FSD1L: variants seen among roughly 807,000 people sequenced by gnomAD.
The protein encoded by FSD1L is fibronectin type III and SPRY domain containing 1 like, also known as FSD1-like protein.
FSD1L carries 45 observed loss-of-function variants against 71.6 expected under a neutral mutation model. The ratio of observed to expected loss-of-function variants is 0.63; its 90% CI spans 0.49 to 0.81. The LOEUF (loss-of-function observed/expected upper bound fraction) is 0.81. Among genes scored for constraint, FSD1L ranks in the 30% least tolerant of loss-of-function variants. The pLI, the probability that FSD1L is intolerant of heterozygous loss-of-function variation, is 0.00. For synonymous variants in FSD1L, 197 were observed against 207.2 expected, an observed-to-expected ratio of 0.95 and a Z score of 0.42; for missense variants, 561 against 618.1, an observed-to-expected ratio of 0.91 and a Z score of 0.98.
At chr9:105,486,860 A>G (rs563742532) in intron 7 of FSD1L, among the ~76,000 whole-genome samples, 44 of 152,176 alleles carry the variant, frequency 2.9e-4, no homozygotes, top group Admixed American at 1.1e-3. Flanking sequence ...CAGACTTCCA[A>G]TTTTCTTCCC....
chr9:105,535,829 A>C (rs748841566), intron 12 of FSD1L, among the ~76,000 whole-genome samples: 1 of 152,136 alleles, frequency 6.6e-6, no homozygotes, highest in Non-Finnish European at 1.5e-5. Context: ...CCAGAGCCAT[A>C]TTTTCTACTA....
intron 5 of FSD1L, among the ~76,000 whole-genome samples, chr9:105,477,444 G>T (rs1331576755): frequency 3.9e-5 from 6 of 152,196 alleles, no homozygotes; most frequent in Admixed American, 6.5e-5. Flanking sequence ...GCCTCTTTCA[G>T]TGAAAGTTAT....
At chr9:105,519,697 T>C (rs527589668) in intron 10 of FSD1L, among the ~76,000 whole-genome samples, 1 of 152,356 alleles carries the variant, frequency 6.6e-6, no homozygotes, top group East Asian at 1.9e-4. Context: ...AGTATCATAC[T>C]GAATGGGCAA....
At chr9:105,528,892 G>A (rs1428598813) in intron 10 of FSD1L, among the ~76,000 whole-genome samples, 1 of 151,936 alleles carries the variant, frequency 6.6e-6, no homozygotes, top group Non-Finnish European at 1.5e-5. Context: ...TCTGACAAAG[G>A]GCTAATATCC....
chr9:105,447,981 CCGCTGCGCGCAGG>C, upstream of FSD1L: 1 of 545,810 alleles, frequency 1.8e-6, no homozygotes, highest in Non-Finnish European at 3.2e-6. Context: ...GAGCAGTCAG[CCGCTGCGCGCAGG>C]CGCGGTGCGC....
chr9:105,479,790 G>C (rs913274491), intron 6 of FSD1L, among the ~76,000 whole-genome samples: 6 of 152,154 alleles, frequency 3.9e-5, no homozygotes, highest in Non-Finnish European at 8.8e-5. Flanking sequence ...AAGAACTAAA[G>C]CGCTCCTATT....
At chr9:105,447,341 A>G (rs1452767572), upstream of FSD1L, among the ~76,000 whole-genome samples, 2 of 151,596 alleles carry the variant, frequency 1.3e-5, no homozygotes, top group East Asian at 3.9e-4. Flanking sequence ...AAAAAAAAAA[A>G]AAAAAAAAGA....
At chr9:105,467,815 G>C (rs1401711905) in intron 3 of FSD1L, among the ~76,000 whole-genome samples, 1 of 152,198 alleles carries the variant, frequency 6.6e-6, no homozygotes, top group Non-Finnish European at 1.5e-5. Flanking sequence ...CCTCACCAGT[G>C]ATTCTGATAC....
At chr9:105,534,014 C>T (rs929359839) in intron 10 of FSD1L, among the ~76,000 whole-genome samples, 1 of 152,124 alleles carries the variant, frequency 6.6e-6, no homozygotes, top group African/African-American at 2.4e-5. Flanking sequence ...TGTGAGCCAC[C>T]GTGCCTGGCC....
chr9:105,481,920 G>A (rs886374223), intron 6 of FSD1L, among the ~76,000 whole-genome samples: 24 of 151,970 alleles, frequency 1.6e-4, no homozygotes, highest in African/African-American at 5.3e-4. Context: ...CTGCAGGCAC[G>A]TGCCACCATG....
At chr9:105,493,294 T>C (rs1411679140) in intron 7 of FSD1L, among the ~76,000 whole-genome samples, 1 of 152,094 alleles carries the variant, frequency 6.6e-6, no homozygotes, top group African/African-American at 2.4e-5. Context: ...TGGTTTAAAG[T>C]CTGTTTTATC....
chr9:105,547,011 A>G lies in FSD1L; in HGVS notation c.*528A>G, dbSNP rs1199304301. The G allele has an allele frequency of 6.6e-6, 1 of 152,060 alleles. No individual in the cohort carries two copies. The highest frequency in any genetic ancestry group is 1.5e-5 in the Non-Finnish European group (1 of 67,954). The allele number at this position is 152,060 out of a possible 1,614,324, so 9.4% of individuals were successfully genotyped here. ...GGTTTATTTTTCCTCTTTTATAAATAAGTTTTACAAAATTTTCCTCTTTTG... is the reference window on the plus strand; with the variant it reads ...GGTTTATTTTTCCTCTTTTATAAATGAGTTTTACAAAATTTTCCTCTTTTG... On this transcript the variant is annotated 3_prime_UTR_variant, in exon 14 of 14. Transcript: ENST00000481272.
chr9:105,523,919 T>G, intron 10 of FSD1L: 1 of 1,591,464 alleles, frequency 6.3e-7, no homozygotes. Flanking sequence ...GTAGAGTGGC[T>G]TCTTCAGCTT....
chr9:105,544,902 C>A (rs1564157868), intron 13 of FSD1L, among the ~76,000 whole-genome samples: 3 of 152,200 alleles, frequency 2.0e-5, no homozygotes, highest in Middle Eastern at 3.4e-3. Flanking sequence ...ATTGTCTTGG[C>A]AATGTGGGCT....
intron 1 of FSD1L, among the ~76,000 whole-genome samples, chr9:105,456,996 C>T (rs560262615): frequency 1.3e-5 from 2 of 152,254 alleles, no homozygotes; most frequent in African/African-American, 2.4e-5. Context: ...CTGAGACCTT[C>T]GTAGGCATCC....
At chr9:105,538,928 TAAG>T (rs1050565994) in intron 12 of FSD1L, among the ~76,000 whole-genome samples, 2 of 152,002 alleles carry the variant, frequency 1.3e-5, no homozygotes, top group Non-Finnish European at 2.9e-5. Flanking sequence ...ATAGGAAAAA[TAAG>T]GAGGAAGAAA....
rs530524931 is a variant in FSD1L, at chr9:105,492,440, A to G, written c.586+7938A>G. 9.1e-4 allele frequency among the ~76,000 whole-genome samples: 139 copies of G among 152,194 alleles called. 1 individual carries two copies. The highest frequency in any genetic ancestry group is 3.3e-3 in the African/African-American group (135 of 41,504). On this transcript the variant is annotated intron_variant, in intron 7 of 13. Coordinates refer to ENST00000481272, the MANE Select transcript of FSD1L (RefSeq NM_001145313.3). The stretch of plus-strand genomic sequence containing the variant: ...GTCTATCAATTTTGTTCATCCTTTC[A>G]AAAAACCAGGTCCTGGATTCATTAA...
intron 1 of FSD1L, among the ~76,000 whole-genome samples, chr9:105,457,562 G>A (rs898280837): frequency 5.9e-5 from 9 of 152,232 alleles, no homozygotes; most frequent in Non-Finnish European, 1.3e-4. Context: ...TACTAAGATA[G>A]TAGTAATAAT....
chr9:105,535,850 C>T (rs1836232319), intron 12 of FSD1L, among the ~76,000 whole-genome samples: 1 of 152,112 alleles, frequency 6.6e-6, no homozygotes, highest in Non-Finnish European at 1.5e-5. Flanking sequence ...TCCTAGTAAA[C>T]ATAAGCTATA....
Sources: allele counts gnomAD v4.1 joint callset (sites outside exome capture counted in the v4.1 genomes callset), GRCh38; gene constraint gnomAD v4.1.1; transcripts MANE v1.5; gene names NCBI Gene and HGNC (gene_info 2026-07-23, HGNC 2026-07-21).